The following RASGRF1 variants were observed in gnomAD, a reference collection of about 807,000 sequenced individuals.
RASGRF1 encodes the protein ras-specific guanine nucleotide-releasing factor 1.
A neutral mutation model predicts 138.7 loss-of-function variants in RASGRF1; 40 were observed. The observed-to-expected ratio is 0.29, with a 90% CI of 0.22 to 0.38. RASGRF1 has a LOEUF of 0.38. RASGRF1 is among the 10% of genes least tolerant of loss of function. The pLI is 1.00. For missense variants in RASGRF1, 1,108 were observed against 1,650.4 expected (o/e 0.67, Z 5.69); for synonymous variants, 614 against 663.2 (o/e 0.93, Z 1.14).
At chr15:79,003,692 C>G in intron 15 of RASGRF1, 110 bp downstream of exon 15, 1 of 1,475,202 alleles carries the variant, frequency 6.8e-7, no homozygotes, top group Non-Finnish European at 9.0e-7. Context: ...AAGCCTCTCC[C>G]TTCCTTCCCC....
intron 5 of RASGRF1, among the ~76,000 whole-genome samples, chr15:79,042,894 T>C (rs1440346724): frequency 6.6e-6 from 1 of 152,216 alleles, no homozygotes; most frequent in East Asian, 1.9e-4. Flanking sequence ...AAATAGTTCC[T>C]TATGTTTGCA....
intron 14 of RASGRF1, 37 bp from the exon 15 acceptor site, chr15:79,004,212 T>G (rs763762618): frequency 5.9e-6 from 9 of 1,519,170 alleles, no homozygotes; most frequent in Non-Finnish European, 7.0e-6. Flanking sequence ...ACAGTTAGCG[T>G]AGGCCTGCCT....
chr15:79,012,050 C>T (rs963844717), intron 13 of RASGRF1, among the ~76,000 whole-genome samples: 10 of 151,998 alleles, frequency 6.6e-5, no homozygotes, highest in Admixed American at 2.0e-4. Flanking sequence ...CATTAGATGC[C>T]GTAATGAAGC....
chr15:78,982,606 TG>T (rs1410683741), intron 23 of RASGRF1, among the ~76,000 whole-genome samples: 2 of 151,982 alleles, frequency 1.3e-5, no homozygotes, highest in East Asian at 3.9e-4. Context: ...CCTTGGAATA[TG>T]GGATTGAAAG....
intron 5 of RASGRF1, among the ~76,000 whole-genome samples, chr15:79,037,231 C>T (rs181645925): frequency 4.9e-4 from 75 of 152,182 alleles, no homozygotes; most frequent in Middle Eastern, 3.4e-3. Context: ...GGAAGAATGT[C>T]TGACTTGAGG....
rs1193523546 is a variant in RASGRF1 at position 78,965,805 on chromosome 15, C to T, written c.3682-3569G>A. Among the ~76,000 whole-genome samples, 3 of 152,164 alleles carry T rather than the reference C, an allele frequency of 2.0e-5. No individual in the cohort carries two copies. In the East Asian group the frequency reaches 5.8e-4, roughly 29 times the overall value. ...GGCAGAAGTTGCAGTGAGCCGAGAT[C>T]GCGCCACTGCACTCCAGGCTGGGTG... is the stretch of plus-strand genomic sequence containing the variant. On this transcript the variant is annotated intron_variant, in intron 26 of 26. Transcript: ENST00000558480.
intron 20 of RASGRF1, among the ~76,000 whole-genome samples, chr15:78,995,303 T>G (rs2056368273): frequency 6.6e-6 from 1 of 150,848 alleles, no homozygotes; most frequent in Non-Finnish European, 1.5e-5. Flanking sequence ...TTTTTTTTTT[T>G]TTGAGATGGA....
At chr15:78,990,113 C>T in intron 22 of RASGRF1, 76 bp downstream of exon 22, 1 of 1,206,762 alleles carries the variant, frequency 8.3e-7, no homozygotes, top group Non-Finnish European at 1.2e-6. Context: ...GGTGTATAGC[C>T]CGTTCTCTAC....
At chr15:79,029,259 T>C (rs2057103784) in intron 8 of RASGRF1, among the ~76,000 whole-genome samples, 1 of 152,142 alleles carries the variant, frequency 6.6e-6, no homozygotes, top group Non-Finnish European at 1.5e-5. Context: ...CCCTGCTTGA[T>C]GTTTGAGAGG....
At chr15:79,048,791 G>A (rs1043619718) in intron 4 of RASGRF1, among the ~76,000 whole-genome samples, 7 of 152,212 alleles carry the variant, frequency 4.6e-5, no homozygotes, top group African/African-American at 1.2e-4. Flanking sequence ...TAGGGATGGC[G>A]TTGGGGTCCT....
At chr15:79,063,369 G>A (rs2057634267) in intron 2 of RASGRF1, among the ~76,000 whole-genome samples, 1 of 152,106 alleles carries the variant, frequency 6.6e-6, no homozygotes, top group Non-Finnish European at 1.5e-5. Flanking sequence ...AGGGCTTCTG[G>A]TTAACTAGTC....
At chr15:79,077,560 C>T (rs992975725) in intron 1 of RASGRF1, among the ~76,000 whole-genome samples, 10 of 152,110 alleles carry the variant, frequency 6.6e-5, no homozygotes, top group Non-Finnish European at 1.5e-4. Context: ...GTCCTGAGGG[C>T]GTGGTGGGGA....
intron 26 of RASGRF1, among the ~76,000 whole-genome samples, chr15:78,967,082 C>A (rs2055658153): frequency 6.6e-6 from 1 of 152,030 alleles, no homozygotes; most frequent in Admixed American, 6.6e-5. Flanking sequence ...ACGACAGGAT[C>A]ACTTGAGCGC....
At chr15:79,030,194 G>T (rs1440033281) in intron 8 of RASGRF1, among the ~76,000 whole-genome samples, 2 of 152,200 alleles carry the variant, frequency 1.3e-5, no homozygotes, top group Admixed American at 1.3e-4. Flanking sequence ...GCTGGGAGCT[G>T]TGGCCTGGTT....
intron 2 of RASGRF1, among the ~76,000 whole-genome samples, chr15:79,063,827 G>A (rs907658123): frequency 1.3e-5 from 2 of 152,070 alleles, no homozygotes; most frequent in African/African-American, 4.8e-5. Flanking sequence ...CATTTCCTTA[G>A]GACCCAAAAG....
chr15:79,053,789 C>T (rs1023504357), intron 3 of RASGRF1, among the ~76,000 whole-genome samples: 5 of 152,214 alleles, frequency 3.3e-5, no homozygotes, highest in African/African-American at 9.7e-5. Context: ...CCTGCGCACT[C>T]GCACAGAGCC....
At chr15:79,069,880 T>A (rs1482138777) in intron 1 of RASGRF1, among the ~76,000 whole-genome samples, 1 of 152,196 alleles carries the variant, frequency 6.6e-6, no homozygotes, top group Non-Finnish European at 1.5e-5. Context: ...AAAACCCATA[T>A]CCCACAACCT....
Position 79,058,488 on chromosome 15 carries a change from A to G in RASGRF1, c.384-7T>C. On this transcript the variant is annotated splice_polypyrimidine_tract_variant and splice_region_variant and intron_variant, in intron 2 of 26. Coordinates refer to ENST00000558480, the MANE Select transcript of RASGRF1 (RefSeq NM_001145648.3). ...TGTGGCGAGGGTCCTGTAGCTGTGG[A>G]CAGATGGACATGGCAGGTAAGATGC... 6.2e-7 allele frequency: 1 copy of G among 1,613,668 alleles called. No homozygotes were observed. The highest frequency in any genetic ancestry group is 8.5e-7 in the Non-Finnish European group (1 of 1,179,630).
chr15:79,048,393 G>A (rs2057383685), intron 4 of RASGRF1, among the ~76,000 whole-genome samples: 1 of 152,188 alleles, frequency 6.6e-6, no homozygotes, highest in Non-Finnish European at 1.5e-5. Flanking sequence ...TCTGGAGCTT[G>A]GCCGCCAGGG....
Sources: gnomAD v4.1 joint callset for allele counts (sites outside exome capture counted in the v4.1 genomes callset) on GRCh38, gnomAD v4.1.1 for gene constraint, MANE v1.5 for transcripts, NCBI Gene and HGNC (gene_info 2026-07-23, HGNC 2026-07-21) for gene names.